Variants in NCOA7 observed in about 807,000 individuals in gnomAD.
The protein encoded by NCOA7 is nuclear receptor coactivator 7.
In NCOA7, 45 loss-of-function variants were observed where a neutral mutation model predicts 104.3. The ratio of observed to expected loss-of-function variants is 0.43; its 90% confidence interval spans 0.34 to 0.55. The LOEUF (loss-of-function observed/expected upper bound fraction) is 0.55, where lower values mean the gene tolerates loss of function less well. Among genes scored for constraint, NCOA7 ranks in the 20% least tolerant of loss-of-function variants. The probability of loss-of-function intolerance (pLI) is 0.02; values close to 1 mark genes in which losing one functional copy is unlikely to be tolerated. For synonymous variants in NCOA7, 398 were observed against 402.3 expected, an observed-to-expected ratio of 0.99 and a Z score of 0.13; for missense variants, 1,041 against 1,119.7, an observed-to-expected ratio of 0.93 and a Z score of 1.00.
chr6:125,850,362 G>C (rs985030264), intron 2 of NCOA7, among the ~76,000 whole-genome samples: 3 of 152,078 alleles, frequency 2.0e-5, no homozygotes, highest in African/African-American at 7.2e-5. Flanking sequence ...GTATTAAATG[G>C]TACTCTGCTG....
chr6:125,790,505 G>C (rs1403289047), upstream of NCOA7, among the ~76,000 whole-genome samples: 3 of 152,148 alleles, frequency 2.0e-5, no homozygotes, highest in Non-Finnish European at 4.4e-5. Flanking sequence ...GAGCCGCCGG[G>C]ATCGCGGCAG....
At chr6:125,919,485 T>G (rs142243836) in intron 11 of NCOA7, 4 of 1,535,704 alleles carry the variant, frequency 2.6e-6, no homozygotes, top group East Asian at 2.3e-5. Context: ...TTCTCAGTGA[T>G]GTACCTCCGA....
intron 1 of NCOA7, among the ~76,000 whole-genome samples, chr6:125,811,954 A>G (rs1380533359): frequency 6.6e-6 from 1 of 152,214 alleles, no homozygotes; most frequent in African/African-American, 2.4e-5. Context: ...ATTGAAAGAC[A>G]CTGGAGTGTA....
chr6:125,866,909 T>C (rs1782486900), intron 3 of NCOA7, among the ~76,000 whole-genome samples: 1 of 152,220 alleles, frequency 6.6e-6, no homozygotes, highest in Non-Finnish European at 1.5e-5. Context: ...TAAGCATGGT[T>C]TTCAATTTGG....
intron 3 of NCOA7, among the ~76,000 whole-genome samples, chr6:125,861,655 A>G (rs1014566658): frequency 6.6e-6 from 1 of 152,186 alleles, no homozygotes; most frequent in Non-Finnish European, 1.5e-5. Flanking sequence ...AAGAAGTCAA[A>G]TTAGTGTTTT....
chr6:125,891,261 A>G (rs930026162), intron 10 of NCOA7, among the ~76,000 whole-genome samples: 1 of 152,206 alleles, frequency 6.6e-6, no homozygotes, highest in Admixed American at 6.5e-5. Context: ...GCTCAGCAGC[A>G]TAAGAAATGT....
chr6:125,883,892 T>C (rs1445805320), intron 7 of NCOA7, among the ~76,000 whole-genome samples: 1 of 152,100 alleles, frequency 6.6e-6, no homozygotes, highest in Non-Finnish European at 1.5e-5. Context: ...GCTAATTTTA[T>C]ATTTTTAGTA....
intron 2 of NCOA7, among the ~76,000 whole-genome samples, chr6:125,835,092 C>T (rs1384120915): frequency 6.6e-6 from 1 of 152,186 alleles, no homozygotes; most frequent in Non-Finnish European, 1.5e-5. Flanking sequence ...TTTCTTTTCT[C>T]AGGCTAAAAG....
chr6:125,842,461 A>G (rs754727175), intron 2 of NCOA7, among the ~76,000 whole-genome samples: 2 of 152,240 alleles, frequency 1.3e-5, no homozygotes, highest in African/African-American at 2.4e-5. Flanking sequence ...ATATATGCCA[A>G]TGCTGCTTTC....
At chr6:125,810,920 T>C (rs1412482722) in intron 1 of NCOA7, among the ~76,000 whole-genome samples, 1 of 152,254 alleles carries the variant, frequency 6.6e-6, no homozygotes, top group Non-Finnish European at 1.5e-5. Flanking sequence ...ATGTCAACTA[T>C]TGGATCATTT....
rs1788418522 is a variant in NCOA7 at position 125,930,751 on chromosome 6, C to T, written c.*1980C>T. The T allele has an allele frequency of 6.6e-6, 1 of 152,212 alleles. No individual in the cohort carries two copies. Among genetic ancestry groups the T allele is most frequent in the African/African-American group, 2.4e-5 (1 of 41,440 alleles). The allele number at this position is 152,212 out of a possible 1,614,324, so 9.4% of individuals were successfully genotyped here. ...TGGGTGTACGTTTCACTCAAGTTCTCCTACTGAGGACTCTTGACTAACAGC... is the reference window on the plus strand; with the variant it reads ...TGGGTGTACGTTTCACTCAAGTTCTTCTACTGAGGACTCTTGACTAACAGC... On this transcript the variant is annotated 3_prime_UTR_variant, in exon 16 of 16. Transcript: ENST00000392477.
chr6:125,926,000 C>T (rs1021986794), intron 13 of NCOA7, among the ~76,000 whole-genome samples: 1 of 151,954 alleles, frequency 6.6e-6, no homozygotes, highest in African/African-American at 2.4e-5. Flanking sequence ...AATGCATTTC[C>T]AGAATTGCTA....
At chr6:125,834,070 A>G (rs546266500) in intron 2 of NCOA7, among the ~76,000 whole-genome samples, 1 of 139,296 alleles carries the variant, frequency 7.2e-6, no homozygotes, top group African/African-American at 2.4e-5. Context: ...TTAAGACGTG[A>G]CAAAATGATC....
chr6:125,930,879 C>A lies in NCOA7; in HGVS notation c.*2108C>A, dbSNP rs1245405296. On this transcript the variant is annotated 3_prime_UTR_variant, in exon 16 of 16. Transcript: ENST00000392477. ...GTTTACCATTTACACCATCTGCAAC[C>A]ATATGCTATTAATAAAATGGAAAAA... 2.6e-5 allele frequency: 4 copies of A among 152,566 alleles called. No homozygotes were observed. The highest frequency in any genetic ancestry group is 5.9e-5 in the Non-Finnish European group (4 of 68,030). 9.5% of individuals were successfully genotyped at this position (152,566 alleles called of 1,614,324 possible).
chr6:125,910,483 A>G (rs1005396133), intron 10 of NCOA7, among the ~76,000 whole-genome samples: 1 of 152,214 alleles, frequency 6.6e-6, no homozygotes, highest in Admixed American at 6.5e-5. Flanking sequence ...TTATAATTGT[A>G]TCTTTGTCAA....
chr6:125,837,924 C>T (rs1779766107), intron 2 of NCOA7, among the ~76,000 whole-genome samples: 1 of 152,202 alleles, frequency 6.6e-6, no homozygotes, highest in South Asian at 2.1e-4. Context: ...TGCAGAACTA[C>T]TTCATGGTCG....
At chr6:125,802,338 C>G (rs556048088) in intron 1 of NCOA7, 1 of 152,308 alleles carries the variant, frequency 6.6e-6, no homozygotes, top group Admixed American at 6.5e-5. Flanking sequence ...GGTTTAGCTA[C>G]TCCTGGCTGG....
intron 2 of NCOA7, among the ~76,000 whole-genome samples, chr6:125,830,753 GTGTGTGTA>G (rs1231362454): frequency 7.1e-4 from 97 of 137,396 alleles, no homozygotes; most frequent in African/African-American, 1.7e-3. Context: ...GTGTGTGTGT[GTGTGTGTA>G]TGTGTGTGTG....
chr6:125,842,262 C>T (rs62425944), intron 2 of NCOA7, among the ~76,000 whole-genome samples: 3,676 of 152,202 alleles, frequency 0.024, 74 homozygotes, highest in Non-Finnish European at 0.037. Context: ...AAGTAGTTAA[C>T]GGGAAAGTCA....
Sources: gnomAD v4.1 joint callset for allele counts (sites outside exome capture counted in the v4.1 genomes callset) on GRCh38, gnomAD v4.1.1 for gene constraint, MANE v1.5 for transcripts, NCBI Gene and HGNC (gene_info 2026-07-23, HGNC 2026-07-21) for gene names.